The following SLC25A30 variants were observed in gnomAD, a reference collection of about 807,000 sequenced individuals.
The protein encoded by SLC25A30 is solute carrier family 25 member 30, also known as kidney mitochondrial carrier protein 1.
SLC25A30 carries 29 observed loss-of-function variants against 42.7 expected under a neutral mutation model. The observed-to-expected ratio is 0.68, with a 90% CI of 0.51 to 0.93. SLC25A30 has a LOEUF of 0.93. Ranked by LOEUF, SLC25A30 falls within the 40% of genes least tolerant of loss-of-function variation. SLC25A30 has a pLI of 0.00. For synonymous variants in SLC25A30, 124 were observed against 131.0 expected (o/e 0.95, Z 0.37); for missense variants, 300 against 359.7 (o/e 0.83, Z 1.34).
chr13:45,404,495 C>T (rs1882311929), intron 4 of SLC25A30, 83 bp from the exon 5 acceptor site: 10 of 946,914 alleles, frequency 1.1e-5, no homozygotes, highest in Non-Finnish European at 1.5e-5. Context: ...AACTTATTTA[C>T]ACATTACTTG....
In SLC25A30 at chr13:45,397,307, T is replaced by A. The variant is rs143559848; in HGVS notation, c.785A>T (p.Tyr262Phe). Reference sequence around the variant, plus strand: ...CAACCAATTTGGCCAAAAGCCTTTATAGAGAGCAAAAAACCCTTCATTCTT... The same window carrying A: ...CAACCAATTTGGCCAAAAGCCTTTAAAGAGAGCAAAAAACCCTTCATTCTT... ...TWKNEGFFAL[Y>F]KGFWPNWLRL... The change falls in exon 9 of 10, where the codon TAT (tyrosine) becomes TTT (phenylalanine). Residue 262 changes from tyrosine to phenylalanine, a missense_variant. Transcript: ENST00000519676. The A allele has an allele frequency of 8.7e-6, 14 of 1,612,822 alleles. No homozygotes were observed. In the Admixed American group the frequency reaches 2.2e-4, roughly 25 times the overall value.
the SLC25A30 span, among the ~76,000 whole-genome samples, chr13:45,423,629 T>A: frequency 0.091 from 2,350 of 25,876 alleles, 56 homozygotes; most frequent in Non-Finnish European, 0.15. Context: ...TATATATATA[T>A]AAATATATAT....
At chr13:45,399,618 A>G (rs1215877666) in intron 7 of SLC25A30, among the ~76,000 whole-genome samples, 3 of 152,174 alleles carry the variant, frequency 2.0e-5, no homozygotes, top group East Asian at 1.9e-4. Flanking sequence ...ACTAGCTGAT[A>G]AATCCCAGCG....
chr13:45,432,721 AC>A, the SLC25A30 span, among the ~76,000 whole-genome samples: 8 of 151,796 alleles, frequency 5.3e-5, no homozygotes, highest in African/African-American at 1.9e-4. Flanking sequence ...AAAAAAAAAA[AC>A]AATCAATTCA....
chr13:45,411,518 C>T (rs552219390), intron 1 of SLC25A30, 38 bp from the exon 2 acceptor site: 1 of 1,278,068 alleles, frequency 7.8e-7, no homozygotes, highest in East Asian at 2.5e-5. Flanking sequence ...GCTGTAACTT[C>T]TCACACAGGC....
At chr13:45,423,711 AAC>A in the SLC25A30 span, among the ~76,000 whole-genome samples, 3 of 43,056 alleles carry the variant, frequency 7.0e-5, 1 homozygote, top group African/African-American at 4.1e-4. Context: ...TAAATATATA[AAC>A]ATATATAAAT....
the SLC25A30 span, among the ~76,000 whole-genome samples, chr13:45,425,658 A>G: frequency 3.6e-5 from 4 of 110,182 alleles, no homozygotes; most frequent in Non-Finnish European, 5.9e-5. Context: ...ATAAGTATAT[A>G]TAAATATATA....
intron 3 of SLC25A30, among the ~76,000 whole-genome samples, chr13:45,406,532 T>C (rs1882528131): frequency 6.6e-6 from 1 of 152,146 alleles, no homozygotes; most frequent in Non-Finnish European, 1.5e-5. Context: ...ACAAGCCTAC[T>C]TTCCTCCATC....
In SLC25A30 at chr13:45,398,890, C is replaced by CA. The variant is rs199773936; in HGVS notation, c.753+49dup. 4,267 of 1,579,018 alleles carry CA rather than the reference C, an allele frequency of 2.7e-3. 71 individuals carry two copies. The African/African-American group carries it at 0.047, about 17-fold the overall frequency. On this transcript the variant is annotated intron_variant, in intron 8 of 9. Coordinates refer to ENST00000519676, the MANE Select transcript of SLC25A30 (RefSeq NM_001010875.4). ...TTCATAATTTAGTTACTTCTTAGAT[C>CA]AAAAAAATATATAATTCACAACCCT...
At chr13:45,421,598 T>A (rs1281475784), upstream of SLC25A30, among the ~76,000 whole-genome samples, 1 of 152,096 alleles carries the variant, frequency 6.6e-6, no homozygotes, top group East Asian at 1.9e-4. Context: ...TTCTACTCAA[T>A]CCTGGCCACA....
At position 45,399,047 on chromosome 13, in the gene SLC25A30, G is replaced by C. The variant is rs1441931766; in HGVS notation, c.646C>G (p.Leu216Val). The C allele has an allele frequency of 6.2e-7, 1 of 1,613,000 alleles. No homozygotes were observed. The change falls in exon 8 of 10, where the codon CTG becomes GTG. Residue 216 changes from leucine (L) to valine (V), a missense_variant. Coordinates refer to ENST00000519676, the MANE Select transcript of SLC25A30 (RefSeq NM_001010875.4). Reference protein sequence around the residue: ...SSFTCGLAGALASNPVDVVRT... With the variant: ...SSFTCGLAGAVASNPVDVVRT... ...ACAACATCAACAGGGTTTGAGGCCA[G>C]GGCCCCTGCCAGACCACAGGTGAAG...
rs1467162627 is a variant in SLC25A30, at chr13:45,395,185, T to A, written c.*789A>T. 10 of 984,694 alleles carry A rather than the reference T, an allele frequency of 1.0e-5. No individual in the cohort carries two copies. The highest frequency in any genetic ancestry group is 1.7e-5 in the African/African-American group (1 of 57,232). The allele number at this position is 984,694 out of a possible 1,614,324, so 61.0% of individuals were successfully genotyped here. ...ACGTTATTATCCCCATTTTACTCAT[T>A]GAGAAATACATATGCTTTGCTAAAA... On this transcript the variant is annotated 3_prime_UTR_variant, in exon 10 of 10. Transcript: ENST00000519676.
rs746275810 is a variant in SLC25A30 at position 45,397,324 on chromosome 13, T to G, written c.768A>C (p.Glu256Asp). The G allele has an allele frequency of 6.2e-7, 1 of 1,610,624 alleles. No individual in the cohort carries two copies. The highest frequency in any genetic ancestry group is 1.1e-5 in the South Asian group (1 of 90,954). ...LDCLLQTWKN[E>D]GFFALYKGFW... Reference sequence around the variant, plus strand: ...AGCCTTTATAGAGAGCAAAAAACCCTTCATTCTTCCATGTCTGTTAAAAGA... The same window carrying G: ...AGCCTTTATAGAGAGCAAAAAACCCGTCATTCTTCCATGTCTGTTAAAAGA... Residue 256 changes from glutamate (E) to aspartate (D), a missense_variant, in exon 9 of 10, where the codon GAA becomes GAC. Physicochemically the swap from Glu to Asp is conservative, Grantham distance 45. Coordinates refer to ENST00000519676, the MANE Select transcript of SLC25A30 (RefSeq NM_001010875.4).
At chr13:45,414,992 T>G (rs1391841072) in intron 1 of SLC25A30, among the ~76,000 whole-genome samples, 1 of 152,190 alleles carries the variant, frequency 6.6e-6, no homozygotes, top group Non-Finnish European at 1.5e-5. Flanking sequence ...ATTACAACTT[T>G]GCAGAAATTC....
upstream of SLC25A30, among the ~76,000 whole-genome samples, chr13:45,420,943 CCAT>C (rs1045671869): frequency 2.0e-5 from 3 of 151,998 alleles, no homozygotes; most frequent in Admixed American, 1.3e-4. Flanking sequence ...TTTTCAGTGT[CCAT>C]TATGAAAATG....
chr13:45,405,764 G>A, intron 4 of SLC25A30, 119 bp downstream of exon 4: 3 of 825,488 alleles, frequency 3.6e-6, no homozygotes, highest in South Asian at 1.8e-5. Flanking sequence ...TACACCCAGA[G>A]TTCTTGTAGC....
At chr13:45,433,769 C>A in the SLC25A30 span, among the ~76,000 whole-genome samples, 1 of 152,162 alleles carries the variant, frequency 6.6e-6, no homozygotes, top group Non-Finnish European at 1.5e-5. Context: ...TAAACTGTAA[C>A]CCACATTAAG....
At chr13:45,417,561 C>T (rs1036636608) in intron 1 of SLC25A30, among the ~76,000 whole-genome samples, 1 of 152,152 alleles carries the variant, frequency 6.6e-6, no homozygotes, top group African/African-American at 2.4e-5. Flanking sequence ...AAGAAATCTT[C>T]GAAATTATCA....
chr13:45,404,499 T>C, intron 4 of SLC25A30, 87 bp from the exon 5 acceptor site: 1 of 916,136 alleles, frequency 1.1e-6, no homozygotes, highest in South Asian at 1.3e-5. Flanking sequence ...TATTTACACA[T>C]TACTTGTTCA....
Sources: allele counts gnomAD v4.1 joint callset (sites outside exome capture counted in the v4.1 genomes callset), GRCh38; gene constraint gnomAD v4.1.1; transcripts MANE v1.5; gene names NCBI Gene and HGNC (gene_info 2026-07-23, HGNC 2026-07-21).